Variants in TMEM17 observed in about 807,000 individuals in gnomAD.
TMEM17 encodes transmembrane protein 17.
TMEM17 carries 15 observed loss-of-function variants against 19.1 expected under a neutral mutation model. The observed-to-expected ratio is 0.78, with a 90% CI of 0.52 to 1.21. The LOEUF (loss-of-function observed/expected upper bound fraction) is 1.21. Among genes scored for constraint, TMEM17 ranks in the 50% most tolerant of loss-of-function variants. The pLI is 0.00. For missense variants in TMEM17, 245 were observed against 242.3 expected (o/e 1.01, Z -0.07); for synonymous variants, 103 against 86.9 (o/e 1.19, Z -1.03).
the TMEM17 span, among the ~76,000 whole-genome samples, chr2:62,461,594 A>C: frequency 6.6e-6 from 1 of 152,190 alleles, no homozygotes; most frequent in African/African-American, 2.4e-5. Flanking sequence ...GAGATGGCCA[A>C]GTTCCTGTTG....
downstream of TMEM17, among the ~76,000 whole-genome samples, chr2:62,498,140 T>G (rs528604584): frequency 6.6e-6 from 1 of 152,196 alleles, no homozygotes; most frequent in South Asian, 2.1e-4. Context: ...ATCCCAGCAC[T>G]TTGGGAGGCT....
chr2:62,466,602 CCACCCTCCCTGAGCTGGCA>C, the TMEM17 span, among the ~76,000 whole-genome samples: 22 of 152,152 alleles, frequency 1.4e-4, no homozygotes, highest in Non-Finnish European at 1.5e-5. Flanking sequence ...TGTGCAGATG[CCACCCTCCCTGAGCTGGCA>C]CACTTGGCCC....
chr2:62,499,917 T>C (rs927664471), downstream of TMEM17, among the ~76,000 whole-genome samples: 3 of 152,240 alleles, frequency 2.0e-5, no homozygotes, highest in Admixed American at 1.3e-4. Flanking sequence ...TTTCTCCTAT[T>C]AGCAAGGGAG....
At chr2:62,490,163 G>T in the TMEM17 span, among the ~76,000 whole-genome samples, 1 of 152,214 alleles carries the variant, frequency 6.6e-6, no homozygotes, top group African/African-American at 2.4e-5. Context: ...GTGACAGAGC[G>T]AGATTCTGTC....
At chr2:62,474,484 G>A in the TMEM17 span, among the ~76,000 whole-genome samples, 4 of 152,148 alleles carry the variant, frequency 2.6e-5, no homozygotes, top group African/African-American at 4.8e-5. Context: ...ATGAAAGCAC[G>A]GTAACGTTCC....
chr2:62,477,384 G>A, the TMEM17 span, among the ~76,000 whole-genome samples: 6 of 123,498 alleles, frequency 4.9e-5, no homozygotes, highest in African/African-American at 9.6e-5. Context: ...GCGACAGAGC[G>A]AGACTCCGTC....
At chr2:62,461,835 C>T in the TMEM17 span, among the ~76,000 whole-genome samples, 1 of 152,222 alleles carries the variant, frequency 6.6e-6, no homozygotes, top group African/African-American at 2.4e-5. Context: ...GAAGATACTG[C>T]CTGTAATGGC....
At chr2:62,463,996 C>T in the TMEM17 span, 1 of 152,228 alleles carries the variant, frequency 6.6e-6, no homozygotes, top group Admixed American at 6.5e-5. Flanking sequence ...CCTACCCCCC[C>T]ATCCCCTTTT....
At position 62,502,570 on chromosome 2, in the gene TMEM17, A is replaced by T. The variant is rs376813487; in HGVS notation, c.205-20T>A. 6.5e-7 allele frequency: 1 copy of T among 1,538,934 alleles called. No individual in the cohort carries two copies. Among genetic ancestry groups the T allele is most frequent in the Non-Finnish European group, 8.9e-7 (1 of 1,126,044 alleles). On this transcript the variant is annotated intron_variant, in intron 2 of 3. Transcript: ENST00000335390. ...TGAATACTAAAAGAAAAGCCAAAAC[A>T]TGTTTGTAAAATCTCATGTATAGTA... is the stretch of plus-strand genomic sequence containing the variant.
the TMEM17 span, among the ~76,000 whole-genome samples, chr2:62,472,587 C>A: frequency 6.6e-6 from 1 of 152,302 alleles, no homozygotes; most frequent in African/African-American, 2.4e-5. Context: ...CTCCCAACTA[C>A]CCAAAATCCA....
chr2:62,473,907 T>C, the TMEM17 span, among the ~76,000 whole-genome samples: 11 of 152,230 alleles, frequency 7.2e-5, no homozygotes, highest in South Asian at 2.3e-3. Context: ...CTTGAACTGA[T>C]CATTGCAGAA....
the TMEM17 span, among the ~76,000 whole-genome samples, chr2:62,482,768 G>C: frequency 6.6e-6 from 1 of 152,208 alleles, no homozygotes; most frequent in Non-Finnish European, 1.5e-5. Context: ...AGAAAAGAAA[G>C]ATCATTTGGG....
chr2:62,490,861 G>T, the TMEM17 span, among the ~76,000 whole-genome samples: 3 of 152,074 alleles, frequency 2.0e-5, no homozygotes, highest in Non-Finnish European at 4.4e-5. Flanking sequence ...CGGATCACCT[G>T]AGGCCAGGAG....
Position 62,506,135 on chromosome 2 carries a change from G to A in TMEM17, c.-6C>T, listed in dbSNP as rs1377577897. On this transcript the variant is annotated 5_prime_UTR_variant, in exon 1 of 4. Transcript: ENST00000335390. ...ACCGGATCCGGCAGCTCCATGCCTG[G>A]GCCTCAGTATCCCTCACCCCCTCAG... 2 of 1,605,036 alleles carry A rather than the reference G, an allele frequency of 1.2e-6. No individual in the cohort carries two copies. The highest frequency in any genetic ancestry group is 1.7e-6 in the Non-Finnish European group (2 of 1,176,168).
At chr2:62,458,548 G>C in the TMEM17 span, among the ~76,000 whole-genome samples, 1 of 152,252 alleles carries the variant, frequency 6.6e-6, no homozygotes, top group East Asian at 1.9e-4. Context: ...AAAATGGGCA[G>C]AGCGTGACCC....
At chr2:62,492,184 CAGAGTGAAAAAGCATGATCTTT>C in the TMEM17 span, among the ~76,000 whole-genome samples, 3 of 152,116 alleles carry the variant, frequency 2.0e-5, no homozygotes, top group African/African-American at 7.2e-5. Context: ...GGGAGCACTG[CAGAGTGAAAAAGCATGATCTTT>C]GGAACCAGAC....
Position 62,502,454 on chromosome 2 carries a change from C to T in TMEM17, c.301G>A (p.Gly101Ser). The T allele has an allele frequency of 3.7e-6, 6 of 1,607,666 alleles. No individual in the cohort carries two copies. The highest frequency in any genetic ancestry group is 5.1e-6 in the Non-Finnish European group (6 of 1,174,578). ...GAGCTTACCTTCTCCTGTAGGTTAC[C>T]CACGTAGCCCAGATACAACCGGATG... ...EAIRLYLGYV[G>S]NLQEKVPELA... Residue 101 changes from glycine to serine, a missense_variant, in exon 3 of 4, where the codon GGT (glycine) becomes AGT (serine). Transcript: ENST00000335390.
the TMEM17 span, among the ~76,000 whole-genome samples, chr2:62,488,411 T>A: frequency 1.3e-5 from 2 of 152,050 alleles, no homozygotes; most frequent in African/African-American, 2.4e-5. Context: ...ATTGTTGAAT[T>A]TTCCATGAAG....
chr2:62,477,798 C>T, the TMEM17 span, among the ~76,000 whole-genome samples: 1 of 152,210 alleles, frequency 6.6e-6, no homozygotes, highest in East Asian at 1.9e-4. Context: ...GGGTACGTGG[C>T]CTTAGGCCAA....
Sources: gnomAD v4.1 joint callset for allele counts (sites outside exome capture counted in the v4.1 genomes callset) on GRCh38, gnomAD v4.1.1 for gene constraint, MANE v1.5 for transcripts, NCBI Gene and HGNC (gene_info 2026-07-23, HGNC 2026-07-21) for gene names.